The following CAST variants were observed in gnomAD, a reference collection of about 807,000 sequenced individuals.
CAST encodes MIR583 host.
Under a neutral mutation model 119.6 loss-of-function variants are expected in CAST, and 76 were observed. That is an observed-to-expected ratio of 0.64 (90% CI 0.53 to 0.77). CAST has a LOEUF of 0.77. Among genes scored for constraint, CAST ranks in the 30% least tolerant of loss-of-function variants. The probability of loss-of-function intolerance (pLI) is 0.00; values close to 1 mark genes in which losing one functional copy is unlikely to be tolerated. For missense variants in CAST, 953 were observed against 946.5 expected, an observed-to-expected ratio of 1.01 and a Z score of -0.09; for synonymous variants, 319 against 331.6, an observed-to-expected ratio of 0.96 and a Z score of 0.41.
At chr5:96,620,035 T>C (rs1158005894) in intron 1 of CAST, among the ~76,000 whole-genome samples, 1 of 152,190 alleles carries the variant, frequency 6.6e-6, no homozygotes, top group Non-Finnish European at 1.5e-5. Flanking sequence ...AGACAATGCA[T>C]GTTAAATGAC....
the CAST span, among the ~76,000 whole-genome samples, chr5:96,024,212 C>T: frequency 6.6e-6 from 1 of 152,102 alleles, no homozygotes; most frequent in Admixed American, 6.6e-5. Context: ...AAAGAATTTA[C>T]TCGTATTGTG....
chr5:96,285,937 T>C, the CAST span, among the ~76,000 whole-genome samples: 1 of 152,242 alleles, frequency 6.6e-6, no homozygotes. Context: ...ATGGAAGGCA[T>C]GTCATTGAAT....
At position 96,730,680 on chromosome 5, in the gene CAST, G is replaced by A. The variant is rs1463456568; in HGVS notation, c.550-100G>A. The A allele has an allele frequency of 4.8e-6, 4 of 840,660 alleles. No homozygotes were observed. The East Asian group carries it at 9.8e-5, about 21-fold the overall frequency. 52.1% of individuals were successfully genotyped at this position (840,660 alleles called of 1,614,324 possible). ...AACATTCCCTTATGGTGTCCGTGAG[G>A]GTGAACTGGCAGATGTTAGTGACAT... On this transcript the variant is annotated intron_variant, in intron 8 of 31. Transcript: ENST00000675179.
intron 1 of CAST, among the ~76,000 whole-genome samples, chr5:96,538,732 AC>A (rs1201275751): frequency 1.1e-5 from 1 of 93,464 alleles, no homozygotes; most frequent in East Asian, 4.4e-4. Context: ...CATACATAAG[AC>A]CCCCCCACAC....
chr5:96,695,451 C>T (rs961968783), intron 2 of CAST, among the ~76,000 whole-genome samples: 1 of 152,096 alleles, frequency 6.6e-6, no homozygotes, highest in African/African-American at 2.4e-5. Flanking sequence ...CCCTAAGATA[C>T]ATTTTTACAA....
At chr5:96,348,970 A>T in the CAST span, among the ~76,000 whole-genome samples, 1 of 152,074 alleles carries the variant, frequency 6.6e-6, no homozygotes, top group Non-Finnish European at 1.5e-5. Context: ...GAATTGTTTC[A>T]TAGAGCTGGG....
At chr5:96,049,387 T>C in the CAST span, among the ~76,000 whole-genome samples, 4 of 152,196 alleles carry the variant, frequency 2.6e-5, no homozygotes, top group African/African-American at 4.8e-5. Flanking sequence ...TCCCAGCATA[T>C]AGTACTCAAG....
At chr5:96,305,680 C>T in the CAST span, among the ~76,000 whole-genome samples, 8 of 152,184 alleles carry the variant, frequency 5.3e-5, no homozygotes, top group East Asian at 3.9e-4. Context: ...TGAATTTTGT[C>T]GAAGGCCTTT....
chr5:96,302,961 C>T, the CAST span, among the ~76,000 whole-genome samples: 1 of 152,188 alleles, frequency 6.6e-6, no homozygotes, highest in South Asian at 2.1e-4. Flanking sequence ...TAGCAATGCC[C>T]CACTTCTCCA....
chr5:96,705,413 A>G (rs1754754830), intron 3 of CAST, among the ~76,000 whole-genome samples: 1 of 152,144 alleles, frequency 6.6e-6, no homozygotes, highest in Non-Finnish European at 1.5e-5. Flanking sequence ...ATGATTTCCA[A>G]TTTTTAAGGC....
the CAST span, among the ~76,000 whole-genome samples, chr5:96,335,878 C>T: frequency 3.2e-4 from 49 of 152,246 alleles, no homozygotes; most frequent in African/African-American, 1.2e-3. Flanking sequence ...TCATTACATC[C>T]TGATGTTTTC....
chr5:96,113,246 C>T, the CAST span, among the ~76,000 whole-genome samples: 1 of 152,160 alleles, frequency 6.6e-6, no homozygotes, highest in Admixed American at 6.5e-5. Flanking sequence ...ACCTAAAATG[C>T]ACCAAATCAA....
chr5:96,274,277 A>AT, the CAST span, among the ~76,000 whole-genome samples: 1 of 151,296 alleles, frequency 6.6e-6, no homozygotes, highest in Non-Finnish European at 1.5e-5. Context: ...AATTTTTTGT[A>AT]TTTTTTAGTA....
At chr5:96,605,418 G>T (rs1747235207) in intron 1 of CAST, among the ~76,000 whole-genome samples, 1 of 152,206 alleles carries the variant, frequency 6.6e-6, no homozygotes, top group Non-Finnish European at 1.5e-5. Flanking sequence ...CTGATAATGT[G>T]CAAAGCCAGA....
chr5:96,584,289 G>T (rs979482958), intron 1 of CAST, among the ~76,000 whole-genome samples: 7 of 152,192 alleles, frequency 4.6e-5, no homozygotes, highest in African/African-American at 1.7e-4. Context: ...TCTGACAGGG[G>T]ACAGAGCTCA....
the CAST span, among the ~76,000 whole-genome samples, chr5:96,108,330 C>T: frequency 6.6e-6 from 1 of 152,208 alleles, no homozygotes; most frequent in South Asian, 2.1e-4. Flanking sequence ...TTTTTCTGCT[C>T]TGTTTTTTCC....
At chr5:96,575,438 G>A (rs1746651819) in intron 1 of CAST, among the ~76,000 whole-genome samples, 1 of 151,878 alleles carries the variant, frequency 6.6e-6, no homozygotes, top group African/African-American at 2.4e-5. Flanking sequence ...GTACTATGTT[G>A]AGTAAGAATG....
chr5:96,724,558 T>C (rs151828), intron 4 of CAST, among the ~76,000 whole-genome samples: 78,123 of 151,954 alleles, frequency 0.51, 20,114 homozygotes, highest in Non-Finnish European at 0.54. Flanking sequence ...AGACCAGGCA[T>C]AGTGGCCCAC....
the CAST span, among the ~76,000 whole-genome samples, chr5:96,227,002 T>C: frequency 1.3e-5 from 2 of 152,246 alleles, no homozygotes; most frequent in Admixed American, 1.3e-4. Context: ...AATGGGCTGA[T>C]TGCAGCATTG....
Sources: gnomAD v4.1 joint callset for allele counts (sites outside exome capture counted in the v4.1 genomes callset) on GRCh38, gnomAD v4.1.1 for gene constraint, MANE v1.5 for transcripts, NCBI Gene and HGNC (gene_info 2026-07-23, HGNC 2026-07-21) for gene names.